CWF19L2: variants seen among roughly 807,000 people sequenced by gnomAD.
CWF19L2 encodes the protein CWF19-like protein 2.
A neutral mutation model predicts 111.7 loss-of-function variants in CWF19L2; 98 were observed. The ratio of observed to expected loss-of-function variants is 0.88; its 90% confidence interval spans 0.75 to 1.04. The LOEUF is 1.04. Ranked by LOEUF, CWF19L2 falls within the 50% of genes least tolerant of loss-of-function variation. CWF19L2 has a pLI of 0.00. For synonymous variants in CWF19L2, 351 were observed against 342.9 expected, an observed-to-expected ratio of 1.02 and a Z score of -0.26; for missense variants, 1,101 against 1,051.4, an observed-to-expected ratio of 1.05 and a Z score of -0.65.
chr11:107,446,576 A>G (rs1180232350), intron 3 of CWF19L2, among the ~76,000 whole-genome samples: 3 of 152,216 alleles, frequency 2.0e-5, no homozygotes, highest in African/African-American at 7.2e-5. Flanking sequence ...TACAAAATCT[A>G]CTACAAAATC....
At chr11:107,422,544 T>C (rs545464017) in intron 8 of CWF19L2, among the ~76,000 whole-genome samples, 168 of 152,142 alleles carry the variant, frequency 1.1e-3, no homozygotes, top group Admixed American at 2.6e-3. Flanking sequence ...ATGTACACTT[T>C]TGTATATTTG....
At position 107,326,740 on chromosome 11, in the gene CWF19L2, G is replaced by A. The variant is rs1022473607; in HGVS notation, c.*170C>T. 8.2e-6 allele frequency: 4 copies of A among 486,558 alleles called. No homozygotes were observed. Among genetic ancestry groups the A allele is most frequent in the Admixed American group, 4.1e-5 (1 of 24,684 alleles). 30.1% of individuals were successfully genotyped at this position (486,558 alleles called of 1,614,324 possible). Reference sequence around the variant, plus strand: ...AAAATGAAGTCCATAGATAGGAGCAGGTGAAGAAGAAAACAACACAATCTC... The same window carrying A: ...AAAATGAAGTCCATAGATAGGAGCAAGTGAAGAAGAAAACAACACAATCTC... On this transcript the variant is annotated 3_prime_UTR_variant, in exon 18 of 18. Coordinates refer to ENST00000282251, the MANE Select transcript of CWF19L2 (RefSeq NM_152434.3).
chr11:107,441,052 T>C (rs1051580875), intron 5 of CWF19L2, among the ~76,000 whole-genome samples: 2 of 152,198 alleles, frequency 1.3e-5, no homozygotes, highest in African/African-American at 4.8e-5. Flanking sequence ...TTCATGCTTT[T>C]GCCTCATTTT....
chr11:107,355,014 G>A (rs960595842), intron 12 of CWF19L2, among the ~76,000 whole-genome samples: 3 of 152,066 alleles, frequency 2.0e-5, no homozygotes, highest in African/African-American at 7.2e-5. Context: ...TCATTAACTT[G>A]TCTTTTTTTT....
At chr11:107,415,038 AG>A (rs1861205997) in intron 10 of CWF19L2, among the ~76,000 whole-genome samples, 1 of 152,154 alleles carries the variant, frequency 6.6e-6, no homozygotes, top group Non-Finnish European at 1.5e-5. Flanking sequence ...CACCTCAGTC[AG>A]AAAAAAAAGT....
At chr11:107,439,050 A>AAC (rs749469890) in intron 6 of CWF19L2, 40 bp downstream of exon 6, 90 of 942,442 alleles carry the variant, frequency 9.5e-5, no homozygotes, top group Non-Finnish European at 1.3e-4. Flanking sequence ...AAAAAAAAAA[A>AAC]AAAAAACCCT....
chr11:107,390,036 T>C, intron 12 of CWF19L2, 38 bp downstream of exon 12: 1 of 1,578,558 alleles, frequency 6.3e-7, no homozygotes, highest in Non-Finnish European at 8.7e-7. Flanking sequence ...AATAATCAGC[T>C]TCTCAAAATT....
chr11:107,436,409 CA>C (rs71470851), intron 6 of CWF19L2, among the ~76,000 whole-genome samples: 27,279 of 151,932 alleles, frequency 0.18, 2,517 homozygotes, highest in South Asian at 0.25. Flanking sequence ...TTAATACAAC[CA>C]AATGAATCTG....
chr11:107,347,109 G>A (rs1860091712), intron 14 of CWF19L2, among the ~76,000 whole-genome samples: 1 of 152,088 alleles, frequency 6.6e-6, no homozygotes, highest in Non-Finnish European at 1.5e-5. Flanking sequence ...TAAATTTAGA[G>A]GGAACCAAGT....
chr11:107,403,503 C>A (rs1861035981), intron 10 of CWF19L2: 2 of 845,746 alleles, frequency 2.4e-6, no homozygotes. Context: ...CCTTCCTCTG[C>A]CATACTGTCA....
At chr11:107,421,611 T>C (rs1261405557) in intron 8 of CWF19L2, among the ~76,000 whole-genome samples, 3 of 152,060 alleles carry the variant, frequency 2.0e-5, no homozygotes, top group African/African-American at 4.8e-5. Flanking sequence ...TCGGCATCAG[T>C]AGTCATTAGC....
rs1860955159 is a variant in CWF19L2, at chr11:107,398,532, T to C, written c.1618-5637A>G. Among the ~76,000 whole-genome samples, 3 of 152,136 alleles carry C rather than the reference T, an allele frequency of 2.0e-5. No homozygotes were observed. The South Asian group carries it at 6.2e-4, about 31-fold the overall frequency. ...AACAAAGGCTCCAAGAAGTCTGGGA[T>C]TATGTTAATCAACCAAACCTAAGAA... is the stretch of plus-strand genomic sequence containing the variant. On this transcript the variant is annotated intron_variant, in intron 10 of 17. Coordinates refer to ENST00000282251, the MANE Select transcript of CWF19L2 (RefSeq NM_152434.3).
Position 107,454,491 on chromosome 11 carries a change from G to C in CWF19L2, c.298C>G (p.Gln100Glu), listed in dbSNP as rs1385013302. 1 of 1,448,720 alleles carries C rather than the reference G, an allele frequency of 6.9e-7. No homozygotes were observed. Among genetic ancestry groups the C allele is most frequent in the African/African-American group, 1.5e-5 (1 of 67,668 alleles). 89.7% of individuals were successfully genotyped at this position (1,448,720 alleles called of 1,614,324 possible). ...KKEKKKKSKK[Q>E]KYEKNNESSD... The stretch of plus-strand genomic sequence containing the variant: ...GACTCATTGTTTTTTTCATATTTCT[G>C]TTTCTTGCTCTTTTTTTTCTTTTCT... Residue 100 changes from glutamine to glutamate, a missense_variant, in exon 3 of 18, where the codon CAG becomes GAG. Physicochemically the swap from Gln to Glu is conservative, Grantham distance 29 (BLOSUM62 2). Coordinates refer to ENST00000282251, the MANE Select transcript of CWF19L2 (RefSeq NM_152434.3).
At chr11:107,360,418 A>C (rs1354214608) in intron 12 of CWF19L2, among the ~76,000 whole-genome samples, 1 of 152,214 alleles carries the variant, frequency 6.6e-6, no homozygotes, top group Non-Finnish European at 1.5e-5. Context: ...ATTATCTTTA[A>C]TCTTGTGAAC....
intron 12 of CWF19L2, among the ~76,000 whole-genome samples, chr11:107,355,218 C>A (rs1860217869): frequency 6.6e-6 from 1 of 152,048 alleles, no homozygotes. Flanking sequence ...GAGTTTGAGA[C>A]CAGCCTGACC....
intron 1 of CWF19L2, among the ~76,000 whole-genome samples, chr11:107,457,080 T>C (rs1259262762): frequency 6.6e-6 from 1 of 152,242 alleles, no homozygotes; most frequent in African/African-American, 2.4e-5. Context: ...ACATATTGAA[T>C]AGATTGTCAG....
rs1467082372 is a variant in CWF19L2 at position 107,329,935 on chromosome 11, G to T, written c.2524C>A (p.Pro842Thr). 1 of 1,582,668 alleles carries T rather than the reference G, an allele frequency of 6.3e-7. No homozygotes were observed. The highest frequency in any genetic ancestry group is 8.6e-7 in the Non-Finnish European group (1 of 1,165,702). Reference sequence around the variant, plus strand: ...AAGCCTACCTTTCCAAAGTAATGAGGGAATTTGTGCTGATCTTCAATGACA... The same window carrying T: ...AAGCCTACCTTTCCAAAGTAATGAGTGAATTTGTGCTGATCTTCAATGACA... ...AHVIEDQHKF[P>T]HYFGKEIIGG... Residue 842 changes from proline to threonine, a missense_variant, in exon 17 of 18, where the codon CCT becomes ACT. Physicochemically the swap from Pro to Thr is conservative, Grantham distance 38 (BLOSUM62 -1). Coordinates refer to ENST00000282251, the MANE Select transcript of CWF19L2 (RefSeq NM_152434.3).
chr11:107,351,437 C>A (rs968864269), intron 13 of CWF19L2, among the ~76,000 whole-genome samples: 1 of 152,030 alleles, frequency 6.6e-6, no homozygotes, highest in Non-Finnish European at 1.5e-5. Flanking sequence ...ACCTAAGTTT[C>A]AGATGTTTAC....
intron 3 of CWF19L2, among the ~76,000 whole-genome samples, chr11:107,453,050 A>T (rs1861800746): frequency 6.6e-6 from 1 of 152,214 alleles, no homozygotes; most frequent in Non-Finnish European, 1.5e-5. Context: ...GAGGTGCGCA[A>T]AAATTAGGAT....
Sources: gnomAD v4.1 joint callset for allele counts (sites outside exome capture counted in the v4.1 genomes callset) on GRCh38, gnomAD v4.1.1 for gene constraint, MANE v1.5 for transcripts, NCBI Gene and HGNC (gene_info 2026-07-23, HGNC 2026-07-21) for gene names.